Variants in FAM186A observed in about 807,000 individuals in gnomAD.
The protein encoded by FAM186A is family with sequence similarity 186 member A.
FAM186A carries 163 observed loss-of-function variants against 216.8 expected under a neutral mutation model. That is an observed-to-expected ratio of 0.75 (90% CI 0.66 to 0.86). The LOEUF (loss-of-function observed/expected upper bound fraction) is 0.86, where lower values mean the gene tolerates loss of function less well. Among genes scored for constraint, FAM186A ranks in the 40% least tolerant of loss-of-function variants. The pLI is 0.00. For synonymous variants in FAM186A, 805 were observed against 1,025.3 expected (o/e 0.79, Z 4.10); for missense variants, 2,184 against 2,746.2 (o/e 0.80, Z 4.58).
chr12:50,381,543 C>CA (rs539889739), intron 1 of FAM186A, among the ~76,000 whole-genome samples: 151 of 144,814 alleles, frequency 1.0e-3, no homozygotes, highest in Non-Finnish European at 1.5e-3. Flanking sequence ...GATTCTGTCT[C>CA]AAAAAAAAAT....
chr12:50,344,206 A>G (rs1288426189), intron 4 of FAM186A, among the ~76,000 whole-genome samples: 2 of 152,082 alleles, frequency 1.3e-5, no homozygotes, highest in Non-Finnish European at 1.5e-5. Flanking sequence ...GGTACAAATG[A>G]TCCCATCACG....
chr12:50,379,476 A>C lies in FAM186A; in HGVS notation c.193-16112T>G, dbSNP rs530808368. ...GAAAGAAAAAAAGAGGGAAAAACAA[A>C]AACAAAAACAAAAAAAAACTAAAGC... On this transcript the variant is annotated intron_variant, in intron 1 of 7. Coordinates refer to ENST00000327337, the MANE Select transcript of FAM186A (RefSeq NM_001145475.3). 4.3e-3 allele frequency among the ~76,000 whole-genome samples: 40 copies of C among 9,266 alleles called. 2 individuals carry two copies. The highest frequency in any genetic ancestry group is 0.012 in the Admixed American group (6 of 496). The allele number at this position is 9,266 out of a possible 152,430, so 6.1% of individuals were successfully genotyped here. A position where few individuals can be genotyped will look rare whatever the true frequency, so the allele number is the denominator to read the frequency against.
chr12:50,330,462 A>C (rs1484214095), intron 7 of FAM186A, 111 bp downstream of exon 7: 7 of 1,093,660 alleles, frequency 6.4e-6, no homozygotes, highest in Non-Finnish European at 9.2e-6. Flanking sequence ...CTCATACCAA[A>C]CATTACTTTT....
chr12:50,354,182 G>C lies in FAM186A; in HGVS notation c.2650C>G (p.Gln884Glu). ...KQEQQSQKQW[Q>E]EEEMWKEEQK... ...TCTTCCTTCCACATCTCTTCTTCCT[G>C]CCACTGTTTCTGGCTCTGTTGTTCT... is the stretch of plus-strand genomic sequence containing the variant. Residue 884 changes from glutamine (Q) to glutamate (E), a missense_variant, in exon 4 of 8, where the codon CAG (glutamine) becomes GAG (glutamate). Coordinates refer to ENST00000327337, the MANE Select transcript of FAM186A (RefSeq NM_001145475.3). 1 of 1,551,564 alleles carries C rather than the reference G, an allele frequency of 6.4e-7. No homozygotes were observed.
chr12:50,361,946 G>C (rs1943039881), intron 2 of FAM186A, among the ~76,000 whole-genome samples: 1 of 151,604 alleles, frequency 6.6e-6, no homozygotes, highest in South Asian at 2.1e-4. Flanking sequence ...GATATTCTTA[G>C]TTTATTCATT....
chr12:50,360,990 C>A (rs2136096809), intron 2 of FAM186A, 64 bp from the exon 3 acceptor site: 1 of 1,278,300 alleles, frequency 7.8e-7, no homozygotes, highest in Non-Finnish European at 1.1e-6. Context: ...GCTACATAGG[C>A]TTATAATATT....
chr12:50,329,483 T>C (rs1942635193), intron 7 of FAM186A, among the ~76,000 whole-genome samples: 1 of 152,220 alleles, frequency 6.6e-6, no homozygotes, highest in Admixed American at 6.6e-5. Flanking sequence ...GATATATGAC[T>C]TTATACTGTA....
chr12:50,350,250 A>G, intron 4 of FAM186A, 79 bp downstream of exon 4: 1 of 1,281,950 alleles, frequency 7.8e-7, no homozygotes, highest in Non-Finnish European at 1.1e-6. Context: ...ACAAATATGA[A>G]TATACTTCTG....
rs1302608091 is a variant in FAM186A at position 50,351,444 on chromosome 12, A to G, written c.5388T>C (p.Arg1796=). 3 of 1,470,694 alleles carry G rather than the reference A, an allele frequency of 2.0e-6. No homozygotes were observed. Among genetic ancestry groups the G allele is most frequent in the African/African-American group, 1.4e-5 (1 of 70,052 alleles). 91.1% of individuals were successfully genotyped at this position (1,470,694 alleles called of 1,614,324 possible). ...PGKLGAPQTL[R]SSGQTLVYGG... ...CGTATACCAGGGTCTGTCCAGAGGAACGAAGAGTCTGTGGTGCCCCAAGCT... is the reference window on the plus strand; with the variant it reads ...CGTATACCAGGGTCTGTCCAGAGGAGCGAAGAGTCTGTGGTGCCCCAAGCT... The change falls in exon 4 of 8, where the codon CGT becomes CGC. Residue 1796 remains arginine, a synonymous_variant. Transcript: ENST00000327337.
rs1180531100 is a variant in FAM186A, at chr12:50,353,425, G to A, written c.3407C>T (p.Thr1136Ile). Reference protein sequence around the residue: ...QQAQALGIPLTPQQTQVQGIT... With the variant: ...QQAQALGIPLIPQQTQVQGIT... ...CCCTTGAACCTGGGTCTGCTGAGGG[G>A]TGAGAGGGATCCCCAGGGCCTGCGC... The change falls in exon 4 of 8, where the codon ACC becomes ATC. Residue 1136 changes from threonine to isoleucine, a missense_variant. Transcript: ENST00000327337. 1.3e-6 allele frequency: 2 copies of A among 1,531,408 alleles called. No homozygotes were observed. Among genetic ancestry groups the A allele is most frequent in the Non-Finnish European group, 1.8e-6 (2 of 1,137,516 alleles). The allele number at this position is 1,531,408 out of a possible 1,614,324, so 94.9% of individuals were successfully genotyped here. A position where few individuals can be genotyped will look rare whatever the true frequency, so the allele number is the denominator to read the frequency against.
chr12:50,344,162 T>C (rs957081524), intron 4 of FAM186A, among the ~76,000 whole-genome samples: 6 of 152,082 alleles, frequency 3.9e-5, no homozygotes, highest in African/African-American at 1.4e-4. Context: ...TGCAGGTTTG[T>C]TACATGGTTA....
At chr12:50,331,961 C>T (rs527892465) in intron 5 of FAM186A, 140 bp from the exon 6 acceptor site, 3 of 671,962 alleles carry the variant, frequency 4.5e-6, no homozygotes, top group South Asian at 4.5e-5. Context: ...CTCCACCCAC[C>T]TCCAACATGC....
chr12:50,360,716 C>A, intron 3 of FAM186A, 40 bp downstream of exon 3: 1 of 1,431,482 alleles, frequency 7.0e-7, no homozygotes, highest in Admixed American at 2.8e-5. Context: ...AAAAGTCAAA[C>A]TCCATCTACT....
chr12:50,351,503 G>C lies in FAM186A; in HGVS notation c.5329C>G (p.Pro1777Ala). Residue 1777 changes from proline (P) to alanine (A), a missense_variant, in exon 4 of 8, where the codon CCC (proline) becomes GCC (alanine). Physicochemically the swap from Pro to Ala is conservative, Grantham distance 27. Transcript: ENST00000327337. Reference protein sequence around the residue: ...LNQGPFAPGKPLEMGILSEPG... With the variant: ...LNQGPFAPGKALEMGILSEPG... ...TCAGAAAGAATCCCCATTTCTAGGGGCTTCCCAGGGGCAAAGGGGCCTTGG... is the reference window on the plus strand; with the variant it reads ...TCAGAAAGAATCCCCATTTCTAGGGCCTTCCCAGGGGCAAAGGGGCCTTGG... 6.7e-7 allele frequency: 1 copy of C among 1,496,518 alleles called. No individual in the cohort carries two copies. Among genetic ancestry groups the C allele is most frequent in the Non-Finnish European group, 8.9e-7 (1 of 1,124,902 alleles). The allele number at this position is 1,496,518 out of a possible 1,614,324, so 92.7% of individuals were successfully genotyped here. A position where few individuals can be genotyped will look rare whatever the true frequency, so the allele number is the denominator to read the frequency against.
chr12:50,378,633 T>C (rs1003911194), intron 1 of FAM186A, among the ~76,000 whole-genome samples: 6 of 131,498 alleles, frequency 4.6e-5, no homozygotes, highest in Admixed American at 2.3e-4. Flanking sequence ...TATATATATA[T>C]ACACATACAT....
intron 4 of FAM186A, among the ~76,000 whole-genome samples, chr12:50,346,618 C>T (rs575679651): frequency 6.6e-6 from 1 of 152,118 alleles, no homozygotes; most frequent in South Asian, 2.1e-4. Context: ...GAGGCCGAAG[C>T]GGGTGGATCA....
In FAM186A at chr12:50,369,888, G is replaced by A. The variant is rs541326813; in HGVS notation, c.193-6524C>T. 2.6e-5 allele frequency among the ~76,000 whole-genome samples: 4 copies of A among 152,034 alleles called. No homozygotes were observed. In the South Asian group the frequency reaches 8.3e-4, roughly 32 times the overall value. On this transcript the variant is annotated intron_variant, in intron 1 of 7. Transcript: ENST00000327337. ...GCCTGTAATCCCAGCACTTTGGGAG[G>A]CCGAGGAGGGTGGATCATGAGGTCA...
At chr12:50,395,764 ACTT>A (rs1250871366) in intron 1 of FAM186A, among the ~76,000 whole-genome samples, 2 of 150,934 alleles carry the variant, frequency 1.3e-5, no homozygotes, top group African/African-American at 4.9e-5. Flanking sequence ...ACAAATGAAA[ACTT>A]TTTTTTTTTT....
At chr12:50,390,805 G>A (rs1415064424) in intron 1 of FAM186A, among the ~76,000 whole-genome samples, 1 of 152,068 alleles carries the variant, frequency 6.6e-6, no homozygotes, top group African/African-American at 2.4e-5. Flanking sequence ...AATGGCTCAT[G>A]TCTATAATCC....
Sources: gnomAD v4.1 joint callset for allele counts (sites outside exome capture counted in the v4.1 genomes callset) on GRCh38, gnomAD v4.1.1 for gene constraint, MANE v1.5 for transcripts, NCBI Gene and HGNC (gene_info 2026-07-23, HGNC 2026-07-21) for gene names.